QTMAN: variants seen among roughly 807,000 people sequenced by gnomAD.
QTMAN encodes the protein queuosine-tRNA mannosyltransferase.
At chr2:144,108,199 T>C in the QTMAN span, among the ~76,000 whole-genome samples, 9,277 of 152,154 alleles carry the variant, frequency 0.061, 945 homozygotes, top group African/African-American at 0.21. Context: ...TGGCACAAGA[T>C]AGGGATACCC....
chr2:143,986,654 G>A, the QTMAN span, among the ~76,000 whole-genome samples: 452 of 152,366 alleles, frequency 3.0e-3, 3 homozygotes, highest in Middle Eastern at 0.044. Flanking sequence ...TGGTTAGATG[G>A]ATAGGTGAAA....
chr2:144,072,075 T>C, the QTMAN span, among the ~76,000 whole-genome samples: 1 of 152,180 alleles, frequency 6.6e-6, no homozygotes, highest in African/African-American at 2.4e-5. Flanking sequence ...GTTTATTTCT[T>C]TGCTCACACG....
chr2:144,279,601 C>A, the QTMAN span, among the ~76,000 whole-genome samples: 1 of 152,114 alleles, frequency 6.6e-6, no homozygotes, highest in African/African-American at 2.4e-5. Context: ...TGCGCTGGGG[C>A]TTGAGAAATT....
chr2:144,001,670 G>A, the QTMAN span, among the ~76,000 whole-genome samples: 5 of 151,828 alleles, frequency 3.3e-5, no homozygotes, highest in Non-Finnish European at 5.9e-5. Flanking sequence ...GCCAATTACA[G>A]GGGTTTTATG....
At chr2:144,096,789 G>A in the QTMAN span, among the ~76,000 whole-genome samples, 6 of 152,174 alleles carry the variant, frequency 3.9e-5, no homozygotes, top group Non-Finnish European at 7.3e-5. Flanking sequence ...GAGTGACTGC[G>A]CATCAAAGCT....
chr2:144,182,848 A>G, the QTMAN span, among the ~76,000 whole-genome samples: 2 of 64,562 alleles, frequency 3.1e-5, no homozygotes, highest in African/African-American at 1.4e-4. Flanking sequence ...TATTATATAT[A>G]TATTTTATAT....
the QTMAN span, among the ~76,000 whole-genome samples, chr2:144,174,113 C>A: frequency 6.6e-6 from 1 of 152,296 alleles, no homozygotes; most frequent in African/African-American, 2.4e-5. Flanking sequence ...ACCTTCAAAC[C>A]TTCTTAGATG....
the QTMAN span, among the ~76,000 whole-genome samples, chr2:144,116,348 ATGTG>A: frequency 1.3e-5 from 2 of 149,322 alleles, no homozygotes; most frequent in East Asian, 2.0e-4. Flanking sequence ...GTGTGTGTGC[ATGTG>A]TGTGTGTGTG....
At chr2:144,265,179 C>T in the QTMAN span, among the ~76,000 whole-genome samples, 1 of 152,114 alleles carries the variant, frequency 6.6e-6, no homozygotes, top group Non-Finnish European at 1.5e-5. Flanking sequence ...AAGACAGACC[C>T]ACTCCCAGTG....
chr2:144,046,713 G>A, the QTMAN span, among the ~76,000 whole-genome samples: 1 of 152,180 alleles, frequency 6.6e-6, no homozygotes, highest in Admixed American at 6.5e-5. Context: ...TCCACATTGA[G>A]TAGAGCAGTT....
chr2:144,230,958 A>C, the QTMAN span, among the ~76,000 whole-genome samples: 1 of 152,178 alleles, frequency 6.6e-6, no homozygotes, highest in Non-Finnish European at 1.5e-5. Context: ...GTAAACCTAA[A>C]AAAGAGGAAC....
the QTMAN span, among the ~76,000 whole-genome samples, chr2:144,042,989 A>C: frequency 5.9e-5 from 9 of 152,206 alleles, no homozygotes; most frequent in East Asian, 1.7e-3. Context: ...AAAGAGTTTC[A>C]TAAAGGCTAA....
At chr2:144,185,398 C>T in the QTMAN span, among the ~76,000 whole-genome samples, 1 of 152,150 alleles carries the variant, frequency 6.6e-6, no homozygotes, top group Admixed American at 6.5e-5. Flanking sequence ...ATTTTAACAG[C>T]AACTCAATGC....
At chr2:144,144,780 G>T in the QTMAN span, among the ~76,000 whole-genome samples, 1 of 151,790 alleles carries the variant, frequency 6.6e-6, no homozygotes, top group East Asian at 1.9e-4. Flanking sequence ...CAAGAATTGC[G>T]GGTCTGTTCA....
the QTMAN span, among the ~76,000 whole-genome samples, chr2:144,104,178 G>A: frequency 3.9e-5 from 6 of 152,102 alleles, no homozygotes; most frequent in Non-Finnish European, 8.8e-5. Flanking sequence ...CTCCCAGCGT[G>A]AGCAATGCAG....
the QTMAN span, among the ~76,000 whole-genome samples, chr2:144,055,482 T>C: frequency 5.6e-4 from 85 of 152,114 alleles, no homozygotes; most frequent in African/African-American, 2.0e-3. Context: ...CTATGATGAA[T>C]ATTCAATTCA....
chr2:144,020,063 C>T, the QTMAN span, among the ~76,000 whole-genome samples: 2 of 152,048 alleles, frequency 1.3e-5, no homozygotes, highest in South Asian at 2.1e-4. Context: ...GAGGAAAACT[C>T]GTAACATGAA....
the QTMAN span, among the ~76,000 whole-genome samples, chr2:144,188,307 T>C: frequency 6.6e-6 from 1 of 152,056 alleles, no homozygotes; most frequent in Non-Finnish European, 1.5e-5. Flanking sequence ...TTTCACAACA[T>C]TGAAAAGTAG....
At chr2:144,328,143 G>C in the QTMAN span, among the ~76,000 whole-genome samples, 3 of 152,168 alleles carry the variant, frequency 2.0e-5, no homozygotes, top group Admixed American at 2.0e-4. Context: ...TAGAGATGGG[G>C]TTTCACCATG....
Sources: gnomAD v4.1 joint callset for allele counts (sites outside exome capture counted in the v4.1 genomes callset) on GRCh38, gnomAD v4.1.1 for gene constraint, MANE v1.5 for transcripts, NCBI Gene and HGNC (gene_info 2026-07-23, HGNC 2026-07-21) for gene names.